The following CYTH3 variants were observed in gnomAD, a reference collection of about 807,000 sequenced individuals.
CYTH3 encodes cytohesin-3.
In CYTH3, 23 loss-of-function variants were observed where a neutral mutation model predicts 55.1. The ratio of observed to expected loss-of-function variants is 0.42; its 90% CI spans 0.30 to 0.59. The LOEUF is 0.59. Ranked by LOEUF, CYTH3 falls within the 20% of genes least tolerant of loss-of-function variation. The pLI is 0.20. For synonymous variants in CYTH3, 249 were observed against 194.9 expected, an observed-to-expected ratio of 1.28 and a Z score of -2.31; for missense variants, 413 against 524.8, an observed-to-expected ratio of 0.79 and a Z score of 2.08.
At chr7:6,236,687 G>A (rs1318217964) in intron 1 of CYTH3, among the ~76,000 whole-genome samples, 2 of 152,118 alleles carry the variant, frequency 1.3e-5, no homozygotes, top group Non-Finnish European at 2.9e-5. Flanking sequence ...TCAGCCTCCT[G>A]AGTAACTGGG....
At chr7:6,165,183 C>T in intron 12 of CYTH3, 90 bp downstream of exon 12, 1 of 1,556,380 alleles carries the variant, frequency 6.4e-7, no homozygotes, top group Admixed American at 1.9e-5. Flanking sequence ...TCCACTCTTG[C>T]ACACGGAAGC....
intron 10 of CYTH3, 50 bp downstream of exon 10, chr7:6,165,684 G>A (rs1782978568): frequency 3.1e-6 from 5 of 1,613,520 alleles, no homozygotes; most frequent in South Asian, 1.1e-5. Context: ...CGGCCCCAGG[G>A]CAGCTCCGGG....
rs565242231 is a variant in CYTH3, at chr7:6,253,109, A to T, written c.34+19365T>A. Among the ~76,000 whole-genome samples, 5 of 152,284 alleles carry T rather than the reference A, an allele frequency of 3.3e-5. No homozygotes were observed. In the East Asian group the frequency reaches 9.6e-4, roughly 29 times the overall value. ...TATTTACAATTAAAAAATTAAAGAA[A>T]CTGAAGCACTTATCAATTCTGCTTA... On this transcript the variant is annotated intron_variant, in intron 1 of 12. Transcript: ENST00000350796.
At position 6,187,034 on chromosome 7, in the gene CYTH3, G is replaced by T; in HGVS notation, c.249+16C>A. ...TCCATCTCCTGCAGGCCAGAAAAGG[G>T]AGAGCATTCTCTTACCTTTTTGGGA... On this transcript the variant is annotated intron_variant, in intron 4 of 12. Coordinates refer to ENST00000350796, the MANE Select transcript of CYTH3 (RefSeq NM_004227.4). 1 of 1,611,914 alleles carries T rather than the reference G, an allele frequency of 6.2e-7. No homozygotes were observed. The highest frequency in any genetic ancestry group is 8.5e-7 in the Non-Finnish European group (1 of 1,177,912).
intron 1 of CYTH3, among the ~76,000 whole-genome samples, chr7:6,203,060 A>G (rs547104752): frequency 2.6e-5 from 4 of 152,352 alleles, no homozygotes; most frequent in African/African-American, 9.6e-5. Flanking sequence ...GACTAAAGCT[A>G]TGAGTCACTA....
rs1257445956 is a variant in CYTH3, at chr7:6,162,639, T to C, written c.*2305A>G. On this transcript the variant is annotated 3_prime_UTR_variant, in exon 13 of 13. Coordinates refer to ENST00000350796, the MANE Select transcript of CYTH3 (RefSeq NM_004227.4). ...CCTAACACAGCCTGGAGCTAGGCGA[T>C]TTCCTTTGACCACAAAGTACCTGGA... is the stretch of plus-strand genomic sequence containing the variant. 6.6e-6 allele frequency: 1 copy of C among 152,230 alleles called. No individual in the cohort carries two copies. Among genetic ancestry groups the C allele is most frequent in the Non-Finnish European group, 1.5e-5 (1 of 68,046 alleles). 9.4% of individuals were successfully genotyped at this position (152,230 alleles called of 1,614,324 possible). A position where few individuals can be genotyped will look rare whatever the true frequency, so the allele number is the denominator to read the frequency against.
At chr7:6,211,579 G>A (rs1250993854) in intron 1 of CYTH3, among the ~76,000 whole-genome samples, 3 of 152,198 alleles carry the variant, frequency 2.0e-5, no homozygotes, top group Admixed American at 6.5e-5. Flanking sequence ...CTGAGCTCAG[G>A]AGTTCAAATC....
At chr7:6,178,043 C>T in intron 4 of CYTH3, 102 bp from the exon 5 acceptor site, 2 of 832,040 alleles carry the variant, frequency 2.4e-6, no homozygotes, top group Non-Finnish European at 3.9e-6. Flanking sequence ...GGTATGGACA[C>T]AGCAAAAATA....
intron 1 of CYTH3, among the ~76,000 whole-genome samples, chr7:6,271,749 AGCACACCTGGCTCCGG>A (rs1272102464): frequency 2.6e-5 from 4 of 152,102 alleles, no homozygotes; most frequent in South Asian, 2.1e-4. Context: ...CCCACTCGGG[AGCACACCTGGCTCCGG>A]GCACACCTGG....
At chr7:6,214,237 G>GT (rs1784381436) in intron 1 of CYTH3, among the ~76,000 whole-genome samples, 1 of 152,124 alleles carries the variant, frequency 6.6e-6, no homozygotes, top group Admixed American at 6.5e-5. Flanking sequence ...TAGGTGGGGG[G>GT]TTTACACCTA....
At position 6,169,653 on chromosome 7, in the gene CYTH3, G is replaced by A. The variant is rs1241648977; in HGVS notation, c.823+882C>T. ...CTGTGGGCATAAGGCAACCATCCCC[G>A]CCCCGCAGGCAAAACAACCCCTCAG... On this transcript the variant is annotated intron_variant, in intron 9 of 12. Transcript: ENST00000350796. The surrounding 1 kb of genome is among the most constrained non-coding windows in gnomAD (Gnocchi z 4.1). 2.6e-5 allele frequency among the ~76,000 whole-genome samples: 4 copies of A among 152,250 alleles called. No individual in the cohort carries two copies. Among genetic ancestry groups the A allele is most frequent in the South Asian group, 2.1e-4 (1 of 4,828 alleles).
At chr7:6,234,121 C>CA (rs1779458571) in intron 1 of CYTH3, among the ~76,000 whole-genome samples, 1 of 152,182 alleles carries the variant, frequency 6.6e-6, no homozygotes, top group African/African-American at 2.4e-5. Flanking sequence ...AACATCATAT[C>CA]ATTATCTTTC....
intron 1 of CYTH3, among the ~76,000 whole-genome samples, chr7:6,240,380 G>A (rs1005887801): frequency 2.0e-5 from 3 of 151,004 alleles, no homozygotes; most frequent in African/African-American, 7.3e-5. Context: ...GGAAAAACAA[G>A]CAAGCAAGAA....
At chr7:6,176,407 G>A (rs564197958) in intron 5 of CYTH3, among the ~76,000 whole-genome samples, 7 of 151,470 alleles carry the variant, frequency 4.6e-5, no homozygotes, top group South Asian at 2.1e-4. Context: ...GAATACAGGC[G>A]CCCACCACCA....
chr7:6,225,665 A>G (rs578139542), intron 1 of CYTH3, among the ~76,000 whole-genome samples: 19 of 146,824 alleles, frequency 1.3e-4, no homozygotes, highest in African/African-American at 4.6e-4. Flanking sequence ...CTGAAAATAT[A>G]TATTTTTTTG....
chr7:6,174,584 G>A (rs1562878695), intron 5 of CYTH3, among the ~76,000 whole-genome samples: 2 of 122,184 alleles, frequency 1.6e-5, no homozygotes, highest in African/African-American at 6.6e-5. Flanking sequence ...GTCTCGCTCT[G>A]CTGCCCAGGC....
In CYTH3 at chr7:6,259,791, A is replaced by AT. The variant is rs1194772849; in HGVS notation, c.34+12682dup. Among the ~76,000 whole-genome samples, 67 of 15,024 alleles carry AT rather than the reference A, an allele frequency of 4.5e-3. 1 individual carries two copies. Among genetic ancestry groups the AT allele is most frequent in the Non-Finnish European group, 2.0e-3 (23 of 11,448 alleles). The allele number at this position is 15,024 out of a possible 152,430, so 9.9% of individuals were successfully genotyped here. On this transcript the variant is annotated intron_variant, in intron 1 of 12. Coordinates refer to ENST00000350796, the MANE Select transcript of CYTH3 (RefSeq NM_004227.4). ...TATATATTATATATATATAATATAT[A>AT]TATATATATATATATATATATAATA...
Position 6,258,105 on chromosome 7 carries a change from C to T in CYTH3, c.34+14369G>A, listed in dbSNP as rs370452570. On this transcript the variant is annotated intron_variant, in intron 1 of 12. Transcript: ENST00000350796. ...CCTGAGCAACGTAGCAAGATCTTGTCTCTACAAAAAATATTTTTTGTTTCT... is the reference window on the plus strand; with the variant it reads ...CCTGAGCAACGTAGCAAGATCTTGTTTCTACAAAAAATATTTTTTGTTTCT... Among the ~76,000 whole-genome samples the T allele has an allele frequency of 9.9e-5, 15 of 152,144 alleles. No individual in the cohort carries two copies. In the East Asian group the frequency reaches 1.2e-3, roughly 12 times the overall value.
At chr7:6,238,698 C>T (rs1779591261) in intron 1 of CYTH3, among the ~76,000 whole-genome samples, 1 of 152,144 alleles carries the variant, frequency 6.6e-6, no homozygotes, top group Non-Finnish European at 1.5e-5. Flanking sequence ...CTCCAAGTGA[C>T]AATGACATGT....
Sources: gnomAD v4.1 joint callset for allele counts (sites outside exome capture counted in the v4.1 genomes callset) on GRCh38, gnomAD v4.1.1 for gene constraint, Gnocchi (gnomAD v3.1) non-coding constraint, MANE v1.5 for transcripts, NCBI Gene and HGNC (gene_info 2026-07-23, HGNC 2026-07-21) for gene names.